CPLANE1: variants seen among roughly 807,000 people sequenced by gnomAD.
CPLANE1 encodes the protein ciliogenesis and planar polarity effector 1.
Under a neutral mutation model 362.5 loss-of-function variants are expected in CPLANE1, and 263 were observed. The ratio of observed to expected loss-of-function variants is 0.73; its 90% CI spans 0.66 to 0.80. The LOEUF (loss-of-function observed/expected upper bound fraction) is 0.80, where lower values mean the gene tolerates loss of function less well. Among genes scored for constraint, CPLANE1 ranks in the 30% least tolerant of loss-of-function variants. CPLANE1 has a pLI of 0.00. For synonymous variants in CPLANE1, 1,212 were observed against 1,302.6 expected (o/e 0.93, Z 1.50); for missense variants, 3,461 against 3,793.4 (o/e 0.91, Z 2.30).
chr5:37,186,055 C>T (rs992781737), intron 24 of CPLANE1, among the ~76,000 whole-genome samples: 5 of 152,158 alleles, frequency 3.3e-5, no homozygotes, highest in Non-Finnish European at 7.3e-5. Context: ...TGCCTAAGAT[C>T]GCACAGTTAC....
At chr5:37,110,948 C>T (rs565809063) in intron 51 of CPLANE1, among the ~76,000 whole-genome samples, 40 of 150,770 alleles carry the variant, frequency 2.7e-4, no homozygotes, top group African/African-American at 3.7e-4. Context: ...GCTGGGACTA[C>T]GGGCACCCGC....
At chr5:37,093,901 A>G in the CPLANE1 span, among the ~76,000 whole-genome samples, 4 of 152,278 alleles carry the variant, frequency 2.6e-5, no homozygotes, top group Admixed American at 2.0e-4. Context: ...GAGCTATAGC[A>G]AGGGTAATTA....
In CPLANE1 at chr5:37,169,406, A is replaced by G. The variant is rs772384302; in HGVS notation, c.6618T>C (p.Val2206=). The G allele has an allele frequency of 2.5e-6, 4 of 1,614,208 alleles. No individual in the cohort carries two copies. The East Asian group carries it at 6.7e-5, about 27-fold the overall frequency. ...HLYLLSTPSV[V]QKAPRLIPHA... The stretch of plus-strand genomic sequence containing the variant: ...GTGGGATAAGTCTAGGTGCCTTCTG[A>G]ACAACAGAAGGTGTGGACAAAAGGT... The change falls in exon 34 of 53, where the codon GTT becomes GTC. Residue 2206 remains valine (V), a synonymous_variant. Coordinates refer to ENST00000651892, the MANE Select transcript of CPLANE1 (RefSeq NM_001384732.1).
Position 37,201,609 on chromosome 5 carries a change from C to T in CPLANE1, c.3489G>A (p.Gln1163=). Residue 1163 remains glutamine (Q), a synonymous_variant, in exon 19 of 53, where the codon CAG becomes CAA. Transcript: ENST00000651892. ...YLPAPPLYCP[Q]PAILSEEDGD... Reference sequence around the variant, plus strand: ...AGCTTACTTCACTAAGAATAGCTGGCTGGGGACAGTACAATGGAGGAGCTG... The same window carrying T: ...AGCTTACTTCACTAAGAATAGCTGGTTGGGGACAGTACAATGGAGGAGCTG... The T allele has an allele frequency of 1.2e-6, 2 of 1,613,758 alleles. No homozygotes were observed. The highest frequency in any genetic ancestry group is 1.7e-6 in the Non-Finnish European group (2 of 1,179,724).
chr5:37,169,229 GTCAGATAATCCCCAAGCC>G lies in CPLANE1; in HGVS notation c.6777_6794del (p.Glu2259_Ser2264del), dbSNP rs1561476971. The G allele has an allele frequency of 1.9e-6, 3 of 1,614,200 alleles. No homozygotes were observed. Among genetic ancestry groups the G allele is most frequent in the Non-Finnish European group, 2.5e-6 (3 of 1,180,032 alleles). ...TCTGTGGCAGAGCAGGTTGGAAGGA[GTCAGATAATCCCCAAGCC>G]TCTCTTGGTTGTGGCAAAGGCCTGA... On this transcript the variant is annotated inframe_deletion, in exon 34 of 53. Coordinates refer to ENST00000651892, the MANE Select transcript of CPLANE1 (RefSeq NM_001384732.1).
intron 6 of CPLANE1, among the ~76,000 whole-genome samples, chr5:37,240,566 TGAACTCAGAGCAA>T (rs1271496774): frequency 1.3e-5 from 2 of 152,198 alleles, no homozygotes; most frequent in East Asian, 3.9e-4. Flanking sequence ...AGATCTCCCG[TGAACTCAGAGCAA>T]GAACTCATTA....
Position 37,125,297 on chromosome 5 carries a change from G to A in CPLANE1, c.8905C>T (p.Leu2969=). 6.2e-7 allele frequency: 1 copy of A among 1,613,886 alleles called. No individual in the cohort carries two copies. The highest frequency in any genetic ancestry group is 8.5e-7 in the Non-Finnish European group (1 of 1,179,932). ...TGTTCTTGCCCTCTCTTTTCTGCCAGCTCATTTAAGTACTTTGCCATTCTT... is the reference window on the plus strand; with the variant it reads ...TGTTCTTGCCCTCTCTTTTCTGCCAACTCATTTAAGTACTTTGCCATTCTT... ...KERMAKYLNE[L]AEKRGQEHDP... is the part of the protein sequence containing the mutation. Residue 2969 remains leucine (L), a synonymous_variant, in exon 47 of 53, where the codon CTG becomes TTG. Coordinates refer to ENST00000651892, the MANE Select transcript of CPLANE1 (RefSeq NM_001384732.1).
intron 16 of CPLANE1, chr5:37,210,775 G>A (rs570195559): frequency 2.9e-5 from 39 of 1,348,364 alleles, no homozygotes; most frequent in East Asian, 2.3e-4. Flanking sequence ...CTCCTAAACC[G>A]CCTAGCTCAG....
At chr5:37,156,287 G>A (rs1580247542) in intron 41 of CPLANE1, among the ~76,000 whole-genome samples, 1 of 152,132 alleles carries the variant, frequency 6.6e-6, no homozygotes, top group South Asian at 2.1e-4. Flanking sequence ...GTCACAGGAT[G>A]TAGTAGCTTC....
chr5:37,215,883 G>C (rs1314080552), intron 15 of CPLANE1, among the ~76,000 whole-genome samples: 3 of 151,506 alleles, frequency 2.0e-5, no homozygotes, highest in Non-Finnish European at 4.4e-5. Flanking sequence ...CCAAGCTAGA[G>C]TGCAGTGGCA....
At chr5:37,212,014 G>T in intron 16 of CPLANE1, 1 of 983,110 alleles carries the variant, frequency 1.0e-6, no homozygotes, top group East Asian at 2.4e-5. Flanking sequence ...GAAAAAATAT[G>T]GGAACAGCAA....
the CPLANE1 span, among the ~76,000 whole-genome samples, chr5:37,089,811 T>C: frequency 1.3e-5 from 2 of 152,194 alleles, no homozygotes; most frequent in African/African-American, 2.4e-5. Flanking sequence ...GTCGAATTCA[T>C]TGGAAAGTGC....
chr5:37,165,089 G>A (rs1394384990), intron 36 of CPLANE1, among the ~76,000 whole-genome samples: 4 of 152,112 alleles, frequency 2.6e-5, no homozygotes, highest in African/African-American at 7.2e-5. Context: ...CTGTGCAACA[G>A]AGCAAGGCCC....
intron 38 of CPLANE1, among the ~76,000 whole-genome samples, chr5:37,159,602 T>C (rs190555672): frequency 6.6e-6 from 1 of 152,364 alleles, no homozygotes; most frequent in African/African-American, 2.4e-5. Context: ...CCTTTTGTTC[T>C]AGGCCTCTAG....
intron 16 of CPLANE1, chr5:37,211,751 G>A (rs1187437293): frequency 1.7e-5 from 13 of 783,532 alleles, no homozygotes; most frequent in East Asian, 7.3e-5. Context: ...AGCAGAAAGC[G>A]GGTCTTTACT....
Position 37,179,428 on chromosome 5 carries a change from G to T in CPLANE1, c.5753C>A (p.Ser1918Tyr). 1 of 1,612,252 alleles carries T rather than the reference G, an allele frequency of 6.2e-7. No individual in the cohort carries two copies. The highest frequency in any genetic ancestry group is 8.5e-7 in the Non-Finnish European group (1 of 1,178,772). The change falls in exon 29 of 53, where the codon TCT (serine) becomes TAT (tyrosine). Residue 1918 changes from serine (S) to tyrosine (Y), a missense_variant. Around this residue, in one of 2 missense-constraint regions of CPLANE1, gnomAD observed 3,380 missense variants for 3,666.1 expected, o/e 0.92. Transcript: ENST00000651892. ...ISDYEEDIEE[S>Y]VGGFRSPSLA... is the part of the protein sequence containing the mutation. ...ACTGGGACTTCTGAAACCTCCAACA[G>T]ATTCTTCAATGTCTTCTAGCGATAA...
intron 20 of CPLANE1, among the ~76,000 whole-genome samples, chr5:37,196,437 GCCC>G (rs1787466467): frequency 6.6e-6 from 1 of 152,112 alleles, no homozygotes; most frequent in African/African-American, 2.4e-5. Flanking sequence ...CCATTTGGCA[GCCC>G]CTAATAATGA....
At chr5:37,219,537 G>GA (rs201991640) in intron 15 of CPLANE1, among the ~76,000 whole-genome samples, 3,402 of 148,616 alleles carry the variant, frequency 0.023, 140 homozygotes, top group African/African-American at 0.08. Flanking sequence ...CAAAAAAAAA[G>GA]AAAAAAAAAA....
At chr5:37,120,531 G>A (rs888163348) in intron 49 of CPLANE1, among the ~76,000 whole-genome samples, 191 bp from the exon 50 acceptor site, 1 of 152,174 alleles carries the variant, frequency 6.6e-6, no homozygotes, top group Non-Finnish European at 1.5e-5. Flanking sequence ...GATTGCACCT[G>A]TGAATGCCAC....
Sources: gnomAD v4.1 joint callset for allele counts (sites outside exome capture counted in the v4.1 genomes callset) on GRCh38, gnomAD v4.1.1 for gene constraint, gnomAD v4.1.1 regional missense constraint, MANE v1.5 for transcripts, NCBI Gene and HGNC (gene_info 2026-07-23, HGNC 2026-07-21) for gene names.